The following ANK3 variants were observed in gnomAD, a reference collection of about 807,000 sequenced individuals.
ANK3 encodes ankyrin-3.
In ANK3, 57 loss-of-function variants were observed where a neutral mutation model predicts 370.9. The observed-to-expected ratio is 0.15, with a 90% CI of 0.12 to 0.19. ANK3 has a LOEUF of 0.19. Among genes scored for constraint, ANK3 ranks in the 10% least tolerant of loss-of-function variants. The pLI is 1.00. For missense variants in ANK3, 4,439 were observed against 5,302.1 expected (o/e 0.84, Z 5.06); for synonymous variants, 1,929 against 1,946.3 (o/e 0.99, Z 0.23).
chr10:60,064,040 T>C, intron 39 of ANK3, 117 bp downstream of exon 39: 1 of 982,518 alleles, frequency 1.0e-6, no homozygotes, highest in Non-Finnish European at 1.4e-6. Context: ...CACTTAGTTT[T>C]CTATATTAAA....
chr10:60,037,470 A>C (rs890655169), intron 43 of ANK3, among the ~76,000 whole-genome samples: 9 of 152,018 alleles, frequency 5.9e-5, no homozygotes, highest in Admixed American at 2.0e-4. Flanking sequence ...AGTAGATCCC[A>C]GTGTCTGTTT....
chr10:60,233,365 A>C (rs1308848655), intron 8 of ANK3, among the ~76,000 whole-genome samples: 1 of 152,234 alleles, frequency 6.6e-6, no homozygotes, highest in Non-Finnish European at 1.5e-5. Context: ...CCCACAATGC[A>C]TCACTCCAAA....
At chr10:60,485,704 C>T (rs554036632) in intron 2 of ANK3, among the ~76,000 whole-genome samples, 11 of 152,272 alleles carry the variant, frequency 7.2e-5, no homozygotes, top group Admixed American at 5.2e-4. Flanking sequence ...TGTGGCAGAG[C>T]GTGTGGCTTT....
intron 36 of ANK3, among the ~76,000 whole-genome samples, chr10:60,078,571 A>G (rs984480518): frequency 2.0e-5 from 3 of 152,196 alleles, no homozygotes; most frequent in Non-Finnish European, 4.4e-5. Context: ...ATGGTTTTAT[A>G]CTTCGCAAGG....
At position 60,669,388 on chromosome 10, in the gene ANK3, G is replaced by GT. The variant is rs1385511940; in HGVS notation, c.58-54165dup. 1.2e-4 allele frequency among the ~76,000 whole-genome samples: 19 copies of GT among 152,186 alleles called. No homozygotes were observed. In the East Asian group the frequency reaches 3.5e-3, roughly 28 times the overall value. On this transcript the variant is annotated intron_variant, in intron 1 of 43. Coordinates refer to the ANK3 transcript ENST00000373827. ...TTCTGATTATCTACTGGTGATTTTG[G>GT]TTTTTTTGCCTTAAGAAACACTCCA...
At chr10:60,651,054 C>T (rs112627373) in intron 1 of ANK3, among the ~76,000 whole-genome samples, 1 of 152,096 alleles carries the variant, frequency 6.6e-6, no homozygotes, top group Non-Finnish European at 1.5e-5. Context: ...TGTGGTTGAG[C>T]CACTGCATTC....
intron 2 of ANK3, among the ~76,000 whole-genome samples, chr10:60,489,428 T>C (rs2075434885): frequency 6.6e-6 from 1 of 152,192 alleles, no homozygotes; most frequent in East Asian, 1.9e-4. Flanking sequence ...AAATAAGTTT[T>C]ATGAAAATAA....
chr10:60,612,221 T>G (rs2078210907), intron 2 of ANK3, among the ~76,000 whole-genome samples: 1 of 152,142 alleles, frequency 6.6e-6, no homozygotes, highest in East Asian at 1.9e-4. Context: ...AAGTTATCTC[T>G]GTCGAGTTCA....
intron 33 of ANK3, 76 bp from the exon 34 acceptor site, chr10:60,082,813 T>G (rs1459639531): frequency 1.3e-6 from 2 of 1,505,098 alleles, no homozygotes; most frequent in African/African-American, 1.4e-5. Context: ...GAGTTAAGCA[T>G]GGTTGTTTTA....
chr10:60,476,093 T>C (rs2075056912), intron 2 of ANK3, among the ~76,000 whole-genome samples: 1 of 152,202 alleles, frequency 6.6e-6, no homozygotes, highest in African/African-American at 2.4e-5. Flanking sequence ...AGCCAGGAGC[T>C]AAGAGAAATG....
chr10:60,365,173 A>G lies in ANK3; in HGVS notation c.114+24252T>C, dbSNP rs150349280. On this transcript the variant is annotated intron_variant, in intron 1 of 43. Coordinates refer to ENST00000280772, the MANE Select transcript of ANK3 (RefSeq NM_020987.5). ...ATGAAAAACTTCTTATATTAGCAAG[A>G]TATTCTTTATAAAGATCTTTTAGCC... Among the ~76,000 whole-genome samples, 738 of 149,868 alleles carry G rather than the reference A, an allele frequency of 4.9e-3. 3 individuals carry two copies. The highest frequency in any genetic ancestry group is 0.017 in the African/African-American group (717 of 41,120).
Position 60,314,482 on chromosome 10 carries a change from G to T in ANK3, c.115-34843C>A, listed in dbSNP as rs116491917. On this transcript the variant is annotated intron_variant, in intron 1 of 43. Coordinates refer to ENST00000280772, the MANE Select transcript of ANK3 (RefSeq NM_020987.5). ...CAATTATGTTATGTAAATAGAGCCA[G>T]GTCTAGGCCAGACAGGAAATGCAAA... Among the ~76,000 whole-genome samples, 880 of 152,242 alleles carry T rather than the reference G, an allele frequency of 5.8e-3. 7 individuals carry two copies. The highest frequency in any genetic ancestry group is 0.02 in the African/African-American group (843 of 41,538).
chr10:60,169,690 TG>T (rs1161321974), intron 21 of ANK3, among the ~76,000 whole-genome samples: 2 of 152,230 alleles, frequency 1.3e-5, no homozygotes, highest in African/African-American at 4.8e-5. Context: ...TTCTTTTGCC[TG>T]AGAAATTTGT....
intron 2 of ANK3, among the ~76,000 whole-genome samples, chr10:60,404,785 C>G (rs965479262): frequency 2.0e-5 from 3 of 152,030 alleles, no homozygotes; most frequent in East Asian, 3.8e-4. Flanking sequence ...GAATAGGCCA[C>G]GAGTGGAAGA....
At chr10:60,472,158 A>G (rs2065234742) in intron 2 of ANK3, among the ~76,000 whole-genome samples, 1 of 152,190 alleles carries the variant, frequency 6.6e-6, no homozygotes, top group South Asian at 2.1e-4. Flanking sequence ...AGTTCAAGGC[A>G]AAGACTAATT....
At chr10:60,227,564 C>T (rs540443890) in intron 8 of ANK3, among the ~76,000 whole-genome samples, 3 of 152,200 alleles carry the variant, frequency 2.0e-5, no homozygotes, top group South Asian at 4.2e-4. Flanking sequence ...AGTCGACTTG[C>T]TATTATTCCA....
chr10:60,492,706 C>CAAAAAAAA (rs764367710), intron 2 of ANK3, among the ~76,000 whole-genome samples: 14 of 57,456 alleles, frequency 2.4e-4, no homozygotes, highest in Admixed American at 4.5e-4. Context: ...GACTCTGTCT[C>CAAAAAAAA]AAAAAAAAAA....
At chr10:60,687,874 T>C (rs2079291896) in intron 1 of ANK3, among the ~76,000 whole-genome samples, 1 of 152,182 alleles carries the variant, frequency 6.6e-6, no homozygotes, top group Admixed American at 6.5e-5. Flanking sequence ...TGGAATACTA[T>C]TCAGCCTTAA....
At chr10:60,270,624 T>C (rs1027176703) in intron 4 of ANK3, among the ~76,000 whole-genome samples, 1 of 152,202 alleles carries the variant, frequency 6.6e-6, no homozygotes, top group African/African-American at 2.4e-5. Context: ...ATTTAGTCAC[T>C]GTAGCTCCCA....
Sources: allele counts gnomAD v4.1 joint callset (sites outside exome capture counted in the v4.1 genomes callset), GRCh38; gene constraint gnomAD v4.1.1; transcripts MANE v1.5; gene names NCBI Gene and HGNC (gene_info 2026-07-23, HGNC 2026-07-21).